The following ARAP2 variants were observed in gnomAD, a reference collection of about 807,000 sequenced individuals.
The protein encoded by ARAP2 is arf-GAP with Rho-GAP domain, ANK repeat and PH domain-containing protein 2.
Under a neutral mutation model 194.5 loss-of-function variants are expected in ARAP2, and 148 were observed. The ratio of observed to expected loss-of-function variants is 0.76; its 90% CI spans 0.67 to 0.87. ARAP2 has a LOEUF of 0.87. Among genes scored for constraint, ARAP2 ranks in the 40% least tolerant of loss-of-function variants. The pLI is 0.00. For synonymous variants in ARAP2, 695 were observed against 683.5 expected, an observed-to-expected ratio of 1.02 and a Z score of -0.26; for missense variants, 2,128 against 1,989.7, an observed-to-expected ratio of 1.07 and a Z score of -1.32.
intron 27 of ARAP2, among the ~76,000 whole-genome samples, chr4:36,100,685 G>A (rs1716638769): frequency 6.6e-6 from 1 of 151,930 alleles, no homozygotes; most frequent in South Asian, 2.1e-4. Flanking sequence ...ATGCACTTTG[G>A]TGAAATTTAC....
At chr4:36,124,808 G>T in intron 22 of ARAP2, 54 bp downstream of exon 22, 1 of 1,081,046 alleles carries the variant, frequency 9.3e-7, no homozygotes, top group South Asian at 1.4e-5. Context: ...AAGAAATAAT[G>T]ACTTATTGAG....
chr4:36,233,119 T>C (rs941986646), intron 1 of ARAP2, among the ~76,000 whole-genome samples: 6 of 152,162 alleles, frequency 3.9e-5, no homozygotes, highest in African/African-American at 1.4e-4. Flanking sequence ...TGTCCTCCAA[T>C]TGTCTGACAT....
chr4:36,098,397 C>T (rs1446329114), intron 27 of ARAP2, among the ~76,000 whole-genome samples: 3 of 152,008 alleles, frequency 2.0e-5, no homozygotes, highest in African/African-American at 7.2e-5. Flanking sequence ...CCATGTCCTA[C>T]CTTTCTAATG....
intron 6 of ARAP2, among the ~76,000 whole-genome samples, chr4:36,194,935 T>C (rs1255250277): frequency 6.6e-6 from 1 of 151,714 alleles, no homozygotes; most frequent in African/African-American, 2.4e-5. Context: ...TATAATCCCA[T>C]CACTTTGAGA....
At chr4:36,203,296 G>T (rs912902018) in intron 6 of ARAP2, among the ~76,000 whole-genome samples, 1 of 151,980 alleles carries the variant, frequency 6.6e-6, no homozygotes, top group Non-Finnish European at 1.5e-5. Flanking sequence ...CCCAAAAACT[G>T]GTTACCAGGC....
intron 11 of ARAP2, among the ~76,000 whole-genome samples, chr4:36,162,287 C>A (rs1347578273): frequency 6.6e-6 from 1 of 152,122 alleles, no homozygotes; most frequent in Non-Finnish European, 1.5e-5. Flanking sequence ...GATAATATTT[C>A]TTTACTGTTA....
At chr4:36,202,479 C>T (rs920458000) in intron 6 of ARAP2, among the ~76,000 whole-genome samples, 1 of 150,898 alleles carries the variant, frequency 6.6e-6, no homozygotes, top group South Asian at 2.1e-4. Flanking sequence ...GCTATATCTA[C>T]ATCCTAAAAT....
At chr4:36,181,845 G>T (rs1739340631) in intron 8 of ARAP2, among the ~76,000 whole-genome samples, 1 of 152,174 alleles carries the variant, frequency 6.6e-6, no homozygotes, top group Non-Finnish European at 1.5e-5. Flanking sequence ...ACAGTGGCAA[G>T]TGCAATTGGG....
chr4:36,011,814 G>A (rs995426675), intron 9 of ARAP2, among the ~76,000 whole-genome samples: 2 of 152,040 alleles, frequency 1.3e-5, no homozygotes, highest in African/African-American at 4.8e-5. Flanking sequence ...TGGAATTAGG[G>A]AAAGTGAAAC....
At chr4:36,063,211 C>T (rs963481084), downstream of ARAP2, among the ~76,000 whole-genome samples, 4 of 151,882 alleles carry the variant, frequency 2.6e-5, no homozygotes, top group Admixed American at 2.6e-4. Flanking sequence ...TAAAGATTTG[C>T]AGAAGCAAAC....
intron 1 of ARAP2, among the ~76,000 whole-genome samples, chr4:36,241,331 T>A (rs1182729581): frequency 6.6e-6 from 1 of 152,200 alleles, no homozygotes; most frequent in Admixed American, 6.5e-5. Context: ...GGTTTAGCAA[T>A]TGTCAAAGTT....
chr4:36,061,005 A>G (rs1724334504), downstream of ARAP2, among the ~76,000 whole-genome samples: 1 of 152,202 alleles, frequency 6.6e-6, no homozygotes, highest in Non-Finnish European at 1.5e-5. Flanking sequence ...AATCTGCTTT[A>G]TTAGTGCATA....
chr4:36,096,455 T>C (rs1380082713), intron 27 of ARAP2, among the ~76,000 whole-genome samples: 4 of 148,390 alleles, frequency 2.7e-5, no homozygotes, highest in Non-Finnish European at 5.9e-5. Flanking sequence ...TTGCAGCAAA[T>C]ACACAAATGT....
chr4:36,054,515 T>C (rs553270629), intron 2 of ARAP2, among the ~76,000 whole-genome samples: 3 of 152,296 alleles, frequency 2.0e-5, no homozygotes, highest in Admixed American at 6.5e-5. Context: ...AGTAACGATA[T>C]GCACCTTCCA....
rs775152150 is a variant in ARAP2, at chr4:36,229,457, A to G, written c.30T>C (p.Asp10=). 3.1e-6 allele frequency: 5 copies of G among 1,612,054 alleles called. No homozygotes were observed. The South Asian group carries it at 5.5e-5, about 18-fold the overall frequency. ...TAATGCTCATTAGGAAATCTTTTAT[A>G]TCCACATTTACTTCACTGACTGAGG... MSSVSEVNV[D]IKDFLMSINL... The change falls in exon 2 of 33, where the codon GAT becomes GAC. Residue 10 remains aspartate, a synonymous_variant. Transcript: ENST00000303965.
intron 26 of ARAP2, among the ~76,000 whole-genome samples, chr4:36,112,572 A>G (rs1720296204): frequency 6.6e-6 from 1 of 151,912 alleles, no homozygotes; most frequent in Non-Finnish European, 1.5e-5. Flanking sequence ...AAATTAAACA[A>G]AGACAAAAAA....
rs769819337 is a variant in ARAP2, at chr4:36,150,914, GA to G, written c.2882del (p.Phe961SerfsTer3). On this transcript the variant is annotated frameshift_variant, in exon 16 of 33. Coordinates refer to ENST00000303965, the MANE Select transcript of ARAP2 (RefSeq NM_015230.4). LOFTEE classifies it high-confidence loss of function. ...VICLAIHKED[F>X]YLNTGPIFIF... is the part of the protein sequence containing the mutation. The stretch of plus-strand genomic sequence containing the variant: ...GACAGACCTACCCAGTATTTAAATA[GA>G]AGTCCTCTTTGTGTATAGCCAGGCA... 1.2e-6 allele frequency: 2 copies of G among 1,612,276 alleles called. No individual in the cohort carries two copies. The highest frequency in any genetic ancestry group is 2.7e-5 in the African/African-American group (2 of 74,914).
At chr4:36,183,926 T>C (rs542522369) in intron 8 of ARAP2, among the ~76,000 whole-genome samples, 4 of 152,316 alleles carry the variant, frequency 2.6e-5, no homozygotes, top group African/African-American at 9.6e-5. Flanking sequence ...TATAGATCAT[T>C]CAAAGCCTTA....
chr4:36,166,739 G>T (rs1030410205), intron 10 of ARAP2, among the ~76,000 whole-genome samples, 193 bp downstream of exon 10: 2 of 151,354 alleles, frequency 1.3e-5, no homozygotes, highest in Admixed American at 1.3e-4. Flanking sequence ...ACATATTTTT[G>T]CATGTTTTGT....
Sources: allele counts gnomAD v4.1 joint callset (sites outside exome capture counted in the v4.1 genomes callset), GRCh38; gene constraint gnomAD v4.1.1; transcripts MANE v1.5; gene names NCBI Gene and HGNC (gene_info 2026-07-23, HGNC 2026-07-21).